The following PARVB variants were observed in gnomAD, a reference collection of about 807,000 sequenced individuals.
PARVB encodes beta-parvin.
In PARVB, 46 loss-of-function variants were observed where a neutral mutation model predicts 47.0. The observed-to-expected ratio is 0.98, with a 90% CI of 0.77 to 1.25. The LOEUF (loss-of-function observed/expected upper bound fraction) is 1.25, where lower values mean the gene tolerates loss of function less well. PARVB is among the 50% of genes most tolerant of loss of function. The pLI, the probability that PARVB is intolerant of heterozygous loss-of-function variation, is 0.00. For synonymous variants in PARVB, 196 were observed against 196.3 expected (o/e 1.00, Z 0.01); for missense variants, 473 against 471.6 (o/e 1.00, Z -0.03).
intron 2 of PARVB, among the ~76,000 whole-genome samples, chr22:44,006,698 C>G (rs1419169030): frequency 6.6e-6 from 1 of 152,168 alleles, no homozygotes; most frequent in Non-Finnish European, 1.5e-5. Flanking sequence ...GCAAGATTCC[C>G]AGGTGGCCTG....
intron 1 of PARVB, among the ~76,000 whole-genome samples, chr22:44,052,646 C>A (rs1002487055): frequency 2.0e-5 from 3 of 152,168 alleles, no homozygotes; most frequent in African/African-American, 7.2e-5. Flanking sequence ...CCTGAAGCTA[C>A]AAAAGTAGGT....
chr22:44,040,221 A>G (rs958418147), intron 1 of PARVB, among the ~76,000 whole-genome samples: 63 of 152,368 alleles, frequency 4.1e-4, no homozygotes, highest in African/African-American at 1.5e-3. Flanking sequence ...TAAAAGAACT[A>G]TAAATAAATA....
At chr22:44,140,705 G>A (rs2053534163) in intron 8 of PARVB, 1 of 436,168 alleles carries the variant, frequency 2.3e-6, no homozygotes, top group Non-Finnish European at 4.6e-6. Flanking sequence ...CCCCAGGCAG[G>A]GGCTGCTGTG....
chr22:44,156,997 G>A (rs909544228), intron 10 of PARVB, among the ~76,000 whole-genome samples: 5 of 152,150 alleles, frequency 3.3e-5, no homozygotes, highest in African/African-American at 7.2e-5. Flanking sequence ...TGGCCTGTGC[G>A]CTTACACACG....
In PARVB at chr22:44,151,456, C is replaced by T. The variant is rs774810025; in HGVS notation, c.775-27C>T. 1.9e-6 allele frequency: 3 copies of T among 1,595,814 alleles called. No individual in the cohort carries two copies. In the East Asian group the frequency reaches 6.7e-5, roughly 36 times the overall value. ...GGACCTGCATGCGGGCCATTCATGG[C>T]TCCTGTGTCTCTTTTATTCTTGGCA... On this transcript the variant is annotated intron_variant, in intron 9 of 12. Coordinates refer to ENST00000338758, the MANE Select transcript of PARVB (RefSeq NM_013327.5).
At chr22:44,071,668 G>A (rs1335899584) in intron 1 of PARVB, among the ~76,000 whole-genome samples, 3 of 152,072 alleles carry the variant, frequency 2.0e-5, no homozygotes, top group South Asian at 2.1e-4. Context: ...TCCAAACTTC[G>A]TGTCCTCTGT....
rs9614207 is a variant in PARVB, at chr22:44,171,555, A to G, written c.*2877A>G. ...AACAGAGCTGTGATTTTCAGCCAAA[A>G]TGAGCAGCCCTGGCCCATTCTGTGT... On this transcript the variant is annotated 3_prime_UTR_variant, in exon 13 of 13. Transcript: ENST00000338758. 51,047 of 151,580 alleles carry G rather than the reference A, an allele frequency of 0.34. 8,889 individuals are homozygous for G. The highest frequency in any genetic ancestry group is 0.43 in the Admixed American group (6,475 of 15,204). The allele number at this position is 151,580 out of a possible 1,614,324, so 9.4% of individuals were successfully genotyped here. A position where few individuals can be genotyped will look rare whatever the true frequency, so the allele number is the denominator to read the frequency against.
intron 4 of PARVB, among the ~76,000 whole-genome samples, chr22:44,131,077 C>CT (rs1166979810): frequency 7.5e-6 from 1 of 133,044 alleles, no homozygotes; most frequent in African/African-American, 2.9e-5. Flanking sequence ...CTCTCTCTCT[C>CT]TTTTTTTCTT....
chr22:44,127,099 T>A (rs1273843708), intron 4 of PARVB, among the ~76,000 whole-genome samples: 1 of 152,238 alleles, frequency 6.6e-6, no homozygotes, highest in African/African-American at 2.4e-5. Flanking sequence ...AGTTGTGTTA[T>A]CCATAAAGTA....
At chr22:44,069,180 C>T (rs756610147) in intron 1 of PARVB, 84 of 1,606,638 alleles carry the variant, frequency 5.2e-5, no homozygotes, top group South Asian at 4.7e-4. Context: ...CTGTTGCTTT[C>T]GTATCATTTT....
intron 4 of PARVB, among the ~76,000 whole-genome samples, chr22:44,122,544 GAGAGAGAGAC>G (rs1569134465): frequency 0.019 from 1,808 of 96,716 alleles, 109 homozygotes; most frequent in Admixed American, 0.05. Context: ...GAGAGAGAGA[GAGAGAGAGAC>G]ACAGAGACAG....
chr22:44,071,615 C>T (rs1407369960), intron 1 of PARVB, among the ~76,000 whole-genome samples: 1 of 152,136 alleles, frequency 6.6e-6, no homozygotes, highest in Non-Finnish European at 1.5e-5. Flanking sequence ...TCCTAGAGGC[C>T]CTGACTGGAA....
At chr22:44,098,108 A>G (rs2052352184) in intron 2 of PARVB, among the ~76,000 whole-genome samples, 2 of 152,174 alleles carry the variant, frequency 1.3e-5, no homozygotes, top group South Asian at 2.1e-4. Flanking sequence ...GTGTGGGGAC[A>G]TGCTAGATAG....
chr22:44,168,845 T>C lies in PARVB; in HGVS notation c.*167T>C. On this transcript the variant is annotated 3_prime_UTR_variant, in exon 13 of 13. Transcript: ENST00000338758. ...CACGCCTGCCCCACCCCCTGCCTCT[T>C]TTGGTTGTTGTTCTTAATCTCCTCT... 5.1e-6 allele frequency: 3 copies of C among 586,304 alleles called. No individual in the cohort carries two copies. In the South Asian group the frequency reaches 6.1e-5, roughly 12 times the overall value. 36.3% of individuals were successfully genotyped at this position (586,304 alleles called of 1,614,324 possible).
At chr22:44,116,864 G>T (rs1019398316) in intron 3 of PARVB, among the ~76,000 whole-genome samples, 1 of 151,930 alleles carries the variant, frequency 6.6e-6, no homozygotes, top group Non-Finnish European at 1.5e-5. Context: ...GCCCCGTGGC[G>T]CAGATGAGCT....
rs949057523 is a variant in PARVB, at chr22:44,118,002, A to G, written c.274-1036A>G. Among the ~76,000 whole-genome samples the G allele has an allele frequency of 3.9e-5, 6 of 152,234 alleles. No individual in the cohort carries two copies. In the East Asian group the frequency reaches 1.2e-3, roughly 29 times the overall value. ...CATAATGGAAGCAATCTCCTTCTGAAGTGTATCACCCGGTGAACTGAATGG... is the reference window on the plus strand; with the variant it reads ...CATAATGGAAGCAATCTCCTTCTGAGGTGTATCACCCGGTGAACTGAATGG... On this transcript the variant is annotated intron_variant, in intron 3 of 12. Transcript: ENST00000338758.
intron 1 of PARVB, among the ~76,000 whole-genome samples, chr22:44,084,431 A>T (rs753093759): frequency 5.9e-5 from 9 of 152,192 alleles, no homozygotes; most frequent in Non-Finnish European, 1.3e-4. Context: ...CCAGAAGGGG[A>T]GAGGCTGGGC....
At chr22:44,082,516 CTCAAAA>C (rs1403010351) in intron 1 of PARVB, among the ~76,000 whole-genome samples, 1 of 152,006 alleles carries the variant, frequency 6.6e-6, no homozygotes, top group Non-Finnish European at 1.5e-5. Flanking sequence ...AAGAGTCCGT[CTCAAAA>C]ACAAAAACAA....
At chr22:44,024,563 C>T in intron 1 of PARVB, 112 bp downstream of exon 1, 1 of 395,776 alleles carries the variant, frequency 2.5e-6, no homozygotes, top group Non-Finnish European at 3.6e-6. Flanking sequence ...CCCCGCCCGG[C>T]CCACGCGGCT....
Sources: allele counts gnomAD v4.1 joint callset (sites outside exome capture counted in the v4.1 genomes callset), GRCh38; gene constraint gnomAD v4.1.1; transcripts MANE v1.5; gene names NCBI Gene and HGNC (gene_info 2026-07-23, HGNC 2026-07-21).